SLC35A1: variants seen among roughly 807,000 people sequenced by gnomAD.
SLC35A1 encodes the protein CMP-sialic acid transporter.
SLC35A1 carries 21 observed loss-of-function variants against 40.3 expected under a neutral mutation model. The observed-to-expected ratio is 0.52, with a 90% CI of 0.37 to 0.75. The LOEUF (loss-of-function observed/expected upper bound fraction) is 0.75. Ranked by LOEUF, SLC35A1 falls within the 30% of genes least tolerant of loss-of-function variation. SLC35A1 has a pLI of 0.00. For missense variants in SLC35A1, 297 were observed against 382.1 expected (o/e 0.78, Z 1.86); for synonymous variants, 146 against 147.3 (o/e 0.99, Z 0.06).
At chr6:87,499,156 A>T (rs757485377) in intron 2 of SLC35A1, 12 of 975,704 alleles carry the variant, frequency 1.2e-5, no homozygotes, top group Non-Finnish European at 1.5e-5. Context: ...ACAGCAAATA[A>T]ATAGGCACAG....
At chr6:87,483,598 C>G (rs535122209) in intron 2 of SLC35A1, among the ~76,000 whole-genome samples, 1 of 152,040 alleles carries the variant, frequency 6.6e-6, no homozygotes, top group African/African-American at 2.4e-5. Context: ...TGTCTTCCCT[C>G]GCCTGTCCTG....
intron 2 of SLC35A1, among the ~76,000 whole-genome samples, chr6:87,494,722 G>A (rs1156646305): frequency 6.6e-6 from 1 of 152,228 alleles, no homozygotes; most frequent in South Asian, 2.1e-4. Context: ...ACTGCACCCG[G>A]CCAAATATTT....
At chr6:87,503,667 G>A (rs751706153) in intron 4 of SLC35A1, among the ~76,000 whole-genome samples, 19 of 151,484 alleles carry the variant, frequency 1.3e-4, no homozygotes, top group African/African-American at 1.7e-4. Flanking sequence ...AGCCGAGATC[G>A]CGCCACTGCA....
chr6:87,498,769 C>CA (rs899804904), intron 2 of SLC35A1, among the ~76,000 whole-genome samples: 30 of 151,352 alleles, frequency 2.0e-4, no homozygotes, highest in East Asian at 7.7e-4. Context: ...GACTCCGTCT[C>CA]AAAAAAAACA....
At chr6:87,508,680 T>C in intron 6 of SLC35A1, 84 bp downstream of exon 6, 1 of 1,094,972 alleles carries the variant, frequency 9.1e-7, no homozygotes, top group African/African-American at 1.6e-5. Context: ...GTTATAACAT[T>C]TTGAAATTAA....
At chr6:87,473,074 G>T in intron 1 of SLC35A1, 55 bp downstream of exon 1, 1 of 455,126 alleles carries the variant, frequency 2.2e-6, no homozygotes. Flanking sequence ...CGGCGGGCGA[G>T]CATCTGCGCT....
intron 2 of SLC35A1, among the ~76,000 whole-genome samples, chr6:87,479,177 A>C (rs1769175835): frequency 6.6e-6 from 1 of 152,250 alleles, no homozygotes; most frequent in African/African-American, 2.4e-5. Flanking sequence ...TTTAGAACTC[A>C]TATCTAACAA....
At chr6:87,487,506 A>G (rs1769422588) in intron 2 of SLC35A1, among the ~76,000 whole-genome samples, 1 of 152,178 alleles carries the variant, frequency 6.6e-6, no homozygotes, top group Non-Finnish European at 1.5e-5. Context: ...GCTTCAATCT[A>G]AAGACACTTT....
chr6:87,487,299 A>G (rs1562020403), intron 2 of SLC35A1, among the ~76,000 whole-genome samples: 1 of 152,230 alleles, frequency 6.6e-6, no homozygotes, highest in East Asian at 1.9e-4. Context: ...AATAGAGGCA[A>G]GAGATAATCA....
rs914197927 is a variant in SLC35A1, at chr6:87,483,047, A to G, written c.194+5508A>G. Among the ~76,000 whole-genome samples, 3 of 152,144 alleles carry G rather than the reference A, an allele frequency of 2.0e-5. No homozygotes were observed. In the South Asian group the frequency reaches 6.2e-4, roughly 31 times the overall value. The stretch of plus-strand genomic sequence containing the variant: ...TGTGCCCTTGTTTACACTGACAACA[A>G]GGTGGTATTGGAGTGTTATAGAGTC... On this transcript the variant is annotated intron_variant, in intron 2 of 7. Transcript: ENST00000369552.
intron 5 of SLC35A1, among the ~76,000 whole-genome samples, chr6:87,508,201 A>C (rs759049714): frequency 2.8e-4 from 42 of 152,094 alleles, no homozygotes; most frequent in Admixed American, 2.2e-3. Flanking sequence ...TAAACTTCCC[A>C]ATTAGTTATT....
At chr6:87,488,035 ATTATTT>A (rs1769436828) in intron 2 of SLC35A1, 1 of 152,290 alleles carries the variant, frequency 6.6e-6, no homozygotes, top group South Asian at 2.1e-4. Context: ...TAGAGTTATT[ATTATTT>A]TTGTTTTTTG....
At chr6:87,504,512 C>T (rs1203468113) in intron 4 of SLC35A1, among the ~76,000 whole-genome samples, 3 of 152,146 alleles carry the variant, frequency 2.0e-5, no homozygotes, top group Non-Finnish European at 2.9e-5. Flanking sequence ...TCTTCAGTAA[C>T]TCTTAATCTC....
At chr6:87,473,185 G>A (rs1703935728) in intron 1 of SLC35A1, among the ~76,000 whole-genome samples, 166 bp downstream of exon 1, 2 of 152,214 alleles carry the variant, frequency 1.3e-5, no homozygotes, top group African/African-American at 4.8e-5. Context: ...CGGCAGTCAG[G>A]GCAGCCTGCC....
At chr6:87,498,093 G>A (rs55885817) in intron 2 of SLC35A1, among the ~76,000 whole-genome samples, 16,364 of 152,032 alleles carry the variant, frequency 0.11, 929 homozygotes, top group East Asian at 0.15. Flanking sequence ...TTAGGGAAAG[G>A]ATAAATAGCC....
At chr6:87,505,180 C>G (rs1323823906) in intron 4 of SLC35A1, among the ~76,000 whole-genome samples, 6 of 152,208 alleles carry the variant, frequency 3.9e-5, no homozygotes, top group Non-Finnish European at 7.3e-5. Flanking sequence ...TTAGACCAAG[C>G]TTGCTCTCTC....
At chr6:87,507,408 G>A (rs545342036) in intron 5 of SLC35A1, among the ~76,000 whole-genome samples, 300 of 152,230 alleles carry the variant, frequency 2.0e-3, no homozygotes, top group African/African-American at 7.0e-3. Context: ...ATTTTGAACA[G>A]TTAAATGATT....
At chr6:87,510,909 G>A (rs140128685) in intron 7 of SLC35A1, among the ~76,000 whole-genome samples, 1,963 of 151,932 alleles carry the variant, frequency 0.013, 16 homozygotes, top group Middle Eastern at 0.044. Flanking sequence ...AAGACTAGTA[G>A]GAAATGTAGT....
At position 87,511,497 on chromosome 6, in the gene SLC35A1, G is replaced by C. The variant is rs1299155629; in HGVS notation, c.985G>C (p.Ala329Pro). The change falls in exon 8 of 8, where the codon GCT (alanine) becomes CCT (proline). Residue 329 changes from alanine to proline, a missense_variant. By Grantham distance (27) the Ala-to-Pro change is conservative. Transcript: ENST00000369552. ...DTTSIQQGET[A>P]SKERVIGV ...TACATCCATCCAACAAGGAGAAACA[G>C]CTTCAAAGGAGAGAGTTATTGGTGT... 2 of 1,613,800 alleles carry C rather than the reference G, an allele frequency of 1.2e-6. No individual in the cohort carries two copies. The highest frequency in any genetic ancestry group is 1.7e-6 in the Non-Finnish European group (2 of 1,179,982).
Sources: gnomAD v4.1 joint callset for allele counts (sites outside exome capture counted in the v4.1 genomes callset) on GRCh38, gnomAD v4.1.1 for gene constraint, MANE v1.5 for transcripts, NCBI Gene and HGNC (gene_info 2026-07-23, HGNC 2026-07-21) for gene names.